PRKCE: variants seen among roughly 807,000 people sequenced by gnomAD.
PRKCE encodes protein kinase C epsilon type.
Under a neutral mutation model 85.4 loss-of-function variants are expected in PRKCE, and 16 were observed. The ratio of observed to expected loss-of-function variants is 0.19; its 90% confidence interval spans 0.13 to 0.28. PRKCE has a LOEUF of 0.28. Ranked by LOEUF, PRKCE falls within the 10% of genes least tolerant of loss-of-function variation. The pLI, the probability that PRKCE is intolerant of heterozygous loss-of-function variation, is 1.00. For synonymous variants in PRKCE, 388 were observed against 371.5 expected (o/e 1.04, Z -0.51); for missense variants, 573 against 975.2 (o/e 0.59, Z 5.49).
At chr2:45,801,108 A>G (rs1027825936) in intron 1 of PRKCE, among the ~76,000 whole-genome samples, 17 of 152,152 alleles carry the variant, frequency 1.1e-4, no homozygotes, top group Admixed American at 1.3e-4. Context: ...TCGGGTGTAT[A>G]GGCAGTTGAG....
chr2:45,655,665 G>A lies in PRKCE; in HGVS notation c.348+3217G>A, dbSNP rs150952899. ...ACGTAGTAAGACTCCATAACTACAA[G>A]AAACTTAAAAATTAGCCAAATCTGG... On this transcript the variant is annotated intron_variant, in intron 1 of 14. Coordinates refer to ENST00000306156, the MANE Select transcript of PRKCE (RefSeq NM_005400.3). Among the ~76,000 whole-genome samples the A allele has an allele frequency of 6.6e-5, 10 of 152,096 alleles. No individual in the cohort carries two copies. The East Asian group carries it at 1.9e-3, about 29-fold the overall frequency.
chr2:46,146,762 A>G (rs1484329665), intron 12 of PRKCE, among the ~76,000 whole-genome samples: 1 of 152,186 alleles, frequency 6.6e-6, no homozygotes, highest in African/African-American at 2.4e-5. Flanking sequence ...AAAAATGACA[A>G]CTTATGACAT....
chr2:45,958,190 CAAAA>C (rs60711691), intron 2 of PRKCE, among the ~76,000 whole-genome samples: 24 of 110,062 alleles, frequency 2.2e-4, no homozygotes, highest in African/African-American at 6.3e-4. Flanking sequence ...ATTAGGCCCG[CAAAA>C]AAAAAAAAAA....
Position 46,137,232 on chromosome 2 carries a change from G to T in PRKCE, c.1593-7861G>T, listed in dbSNP as rs568723420. ...CCTTATCCAGCTGGTAAGTGGCAGAGTTGGGATATAGATTCAGAACTGCCT... is the reference window on the plus strand; with the variant it reads ...CCTTATCCAGCTGGTAAGTGGCAGATTTGGGATATAGATTCAGAACTGCCT... On this transcript the variant is annotated intron_variant, in intron 11 of 14. Coordinates refer to ENST00000306156, the MANE Select transcript of PRKCE (RefSeq NM_005400.3). Among the ~76,000 whole-genome samples the T allele has an allele frequency of 4.6e-5, 7 of 152,314 alleles. No homozygotes were observed. In the East Asian group the frequency reaches 1.4e-3, roughly 29 times the overall value.
chr2:45,728,691 G>A (rs1424488530), intron 1 of PRKCE, among the ~76,000 whole-genome samples: 1 of 152,166 alleles, frequency 6.6e-6, no homozygotes, highest in African/African-American at 2.4e-5. Flanking sequence ...GTAAGTTGAG[G>A]TCTGTCTTCA....
chr2:46,129,697 T>C (rs1574548129), intron 11 of PRKCE, among the ~76,000 whole-genome samples: 1 of 152,344 alleles, frequency 6.6e-6, no homozygotes, highest in Non-Finnish European at 1.5e-5. Context: ...GTGTTCATGC[T>C]GGCTGAAGGC....
intron 1 of PRKCE, among the ~76,000 whole-genome samples, chr2:45,687,027 A>T (rs1186044241): frequency 6.6e-6 from 1 of 152,190 alleles, no homozygotes; most frequent in Non-Finnish European, 1.5e-5. Flanking sequence ...AATTTTAAAA[A>T]TCTTGTGGTG....
At chr2:45,920,935 C>A (rs1301286754) in intron 2 of PRKCE, among the ~76,000 whole-genome samples, 1 of 152,160 alleles carries the variant, frequency 6.6e-6, no homozygotes, top group East Asian at 1.9e-4. Flanking sequence ...TGTTGTCCTA[C>A]CCCCATACAC....
chr2:45,936,646 A>T (rs988523627), intron 2 of PRKCE, among the ~76,000 whole-genome samples: 2 of 152,156 alleles, frequency 1.3e-5, no homozygotes, highest in Non-Finnish European at 2.9e-5. Flanking sequence ...AGGATGCCCT[A>T]AGGACAGCCT....
chr2:46,157,211 T>C (rs976776509), intron 13 of PRKCE, among the ~76,000 whole-genome samples: 5 of 152,130 alleles, frequency 3.3e-5, no homozygotes, highest in African/African-American at 1.2e-4. Flanking sequence ...CCAAGTCAGA[T>C]GAGTAACTAA....
intron 13 of PRKCE, among the ~76,000 whole-genome samples, chr2:46,152,228 C>T (rs955546933): frequency 6.6e-6 from 1 of 151,074 alleles, no homozygotes; most frequent in African/African-American, 2.4e-5. Context: ...AATGGCCAGG[C>T]TGGAGTGCAA....
intron 11 of PRKCE, among the ~76,000 whole-genome samples, chr2:46,144,597 T>A (rs1459709975): frequency 6.6e-6 from 1 of 152,194 alleles, no homozygotes; most frequent in African/African-American, 2.4e-5. Context: ...ACTAGCTGTT[T>A]GTGGTCTCCC....
chr2:46,088,078 A>T lies in PRKCE; in HGVS notation c.1592+1716A>T, dbSNP rs561269785. Among the ~76,000 whole-genome samples the T allele has an allele frequency of 5.3e-5, 8 of 152,284 alleles. No homozygotes were observed. The East Asian group carries it at 1.5e-3, about 29-fold the overall frequency. On this transcript the variant is annotated intron_variant, in intron 11 of 14. Coordinates refer to ENST00000306156, the MANE Select transcript of PRKCE (RefSeq NM_005400.3). ...ATAATGTCACATAACCCCAGTAGTG[A>T]TATCACATCAGCTTTGCCATATTCT...
intron 2 of PRKCE, among the ~76,000 whole-genome samples, chr2:45,942,728 C>G (rs1699973831): frequency 6.6e-6 from 1 of 152,182 alleles, no homozygotes; most frequent in African/African-American, 2.4e-5. Context: ...GAAAAAGTCA[C>G]TTAATCTTCT....
At chr2:45,824,413 A>C (rs1689779805) in intron 1 of PRKCE, among the ~76,000 whole-genome samples, 1 of 152,200 alleles carries the variant, frequency 6.6e-6, no homozygotes, top group African/African-American at 2.4e-5. Flanking sequence ...CCAGGGAAGC[A>C]GCTCGGGGAG....
At chr2:45,870,423 G>A (rs1463106128) in intron 2 of PRKCE, among the ~76,000 whole-genome samples, 1 of 152,202 alleles carries the variant, frequency 6.6e-6, no homozygotes, top group Non-Finnish European at 1.5e-5. Flanking sequence ...TATAACTGGG[G>A]GGAGAACCTC....
chr2:45,882,768 C>T (rs1694975884), intron 2 of PRKCE, among the ~76,000 whole-genome samples: 1 of 152,248 alleles, frequency 6.6e-6, no homozygotes, highest in Non-Finnish European at 1.5e-5. Context: ...ATTCCACTTG[C>T]CCCTTTGGGC....
intron 1 of PRKCE, among the ~76,000 whole-genome samples, chr2:45,696,436 C>A (rs1487481992): frequency 6.6e-6 from 1 of 151,998 alleles, no homozygotes; most frequent in East Asian, 1.9e-4. Context: ...TGGCAGGAGG[C>A]AGTGGAAGTG....
At chr2:45,875,658 G>A (rs1214838118) in intron 2 of PRKCE, among the ~76,000 whole-genome samples, 2 of 152,324 alleles carry the variant, frequency 1.3e-5, no homozygotes. Flanking sequence ...GGGGTAAAAT[G>A]TAAGCTCAAG....
Sources: gnomAD v4.1 joint callset for allele counts (sites outside exome capture counted in the v4.1 genomes callset) on GRCh38, gnomAD v4.1.1 for gene constraint, MANE v1.5 for transcripts, NCBI Gene and HGNC (gene_info 2026-07-23, HGNC 2026-07-21) for gene names.